The following COL6A5 variants were observed in gnomAD, a reference collection of about 807,000 sequenced individuals.
The protein encoded by COL6A5 is collagen alpha-5(VI) chain.
Under a neutral mutation model 65.6 loss-of-function variants are expected in COL6A5, and 48 were observed. The ratio of observed to expected loss-of-function variants is 0.73; its 90% CI spans 0.58 to 0.93. COL6A5 has a LOEUF of 0.93. Ranked by LOEUF, COL6A5 falls within the 40% of genes least tolerant of loss-of-function variation. The pLI is 0.00. For synonymous variants in COL6A5, 291 were observed against 322.8 expected, an observed-to-expected ratio of 0.90 and a Z score of 1.05; for missense variants, 914 against 928.3, an observed-to-expected ratio of 0.98 and a Z score of 0.20.
chr3:130,388,899 G>A (rs957492892), exon 6 of COL6A5: 20 of 1,547,034 alleles, frequency 1.3e-5, no homozygotes, highest in Non-Finnish European at 1.7e-5. Flanking sequence ...CCCGTTTGGG[G>A]GCCAAAAAAT....
At chr3:130,401,110 C>A in exon 11 of COL6A5, 1 of 1,550,760 alleles carries the variant, frequency 6.4e-7, no homozygotes, top group African/African-American at 1.4e-5. Context: ...GAAAAAGATT[C>A]GATTACAGGA....
exon 8 of COL6A5, chr3:130,395,411 G>GT (rs1277659590): frequency 6.5e-7 from 1 of 1,545,724 alleles, no homozygotes; most frequent in Non-Finnish European, 8.7e-7. Context: ...ATTAAAGAAT[G>GT]TGGATGTGAA....
chr3:130,418,951 C>T lies in COL6A5; in HGVS notation c.4950+20C>T. ...AGACAGGTATGAAGTTTTGAAGTCCCTACCCTCCCCAGATCTGGGTATTCA... is the reference window on the plus strand; with the variant it reads ...AGACAGGTATGAAGTTTTGAAGTCCTTACCCTCCCCAGATCTGGGTATTCA... On this transcript the variant is annotated intron_variant and NMD_transcript_variant, in intron 25 of 41. Transcript: ENST00000312481. 6.5e-7 allele frequency: 1 copy of T among 1,547,202 alleles called. No individual in the cohort carries two copies. The highest frequency in any genetic ancestry group is 8.7e-7 in the Non-Finnish European group (1 of 1,143,220).
At chr3:130,479,736 A>C in intron 7 of COL6A5, among the ~76,000 whole-genome samples, 1 of 152,282 alleles carries the variant, frequency 6.6e-6, no homozygotes, top group South Asian at 2.1e-4. Flanking sequence ...AAGATGATTA[A>C]AATATTTTAT....
At chr3:130,401,464 G>A (rs1303460866) in intron 11 of COL6A5, among the ~76,000 whole-genome samples, 2 of 152,184 alleles carry the variant, frequency 1.3e-5, no homozygotes, top group African/African-American at 4.8e-5. Flanking sequence ...GGAAACAGAA[G>A]ACTGTCAACT....
chr3:130,391,080 T>TG (rs202079849), intron 6 of COL6A5, 99 bp from the exon 7 acceptor site: 33,433 of 800,228 alleles, frequency 0.042, 866 homozygotes, highest in South Asian at 0.081. Context: ...GTCTGACACA[T>TG]AGTAGGCTCA....
intron 7 of COL6A5, among the ~76,000 whole-genome samples, chr3:130,482,221 T>C (rs1485846326): frequency 6.6e-6 from 1 of 152,198 alleles, no homozygotes; most frequent in Non-Finnish European, 1.5e-5. Flanking sequence ...TTAATTTTTG[T>C]ATAAAGTATA....
At chr3:130,384,470 G>A (rs1288397818) in intron 4 of COL6A5, among the ~76,000 whole-genome samples, 1 of 151,948 alleles carries the variant, frequency 6.6e-6, no homozygotes, top group East Asian at 1.9e-4. Flanking sequence ...AGAAATGATA[G>A]GACATAAACT....
At chr3:130,466,439 A>G (rs1709816260) in intron 5 of COL6A5, among the ~76,000 whole-genome samples, 1 of 152,126 alleles carries the variant, frequency 6.6e-6, no homozygotes, top group African/African-American at 2.4e-5. Flanking sequence ...AAATAAAATC[A>G]CTGTGCCAGA....
At chr3:130,455,613 T>C (rs1418627494) in exon 5 of COL6A5, 3 of 1,613,238 alleles carry the variant, frequency 1.9e-6, no homozygotes, top group Admixed American at 1.7e-5. Flanking sequence ...CAAAAATTAA[T>C]GATCAATTAT....
intron 1 of COL6A5, among the ~76,000 whole-genome samples, chr3:130,362,270 CTTTG>C (rs1559857842): frequency 3.7e-5 from 5 of 135,424 alleles, no homozygotes; most frequent in African/African-American, 1.1e-4. Context: ...CTCTCTCTCT[CTTTG>C]TCTCTGTCTT....
intron 6 of COL6A5, among the ~76,000 whole-genome samples, chr3:130,470,541 A>T (rs1326103396): frequency 1.3e-5 from 2 of 152,038 alleles, no homozygotes; most frequent in East Asian, 1.9e-4. Context: ...AAAAAAATAA[A>T]ATATAAACAT....
intron 2 of COL6A5, 52 bp from the exon 35 acceptor site, chr3:130,440,114 G>T: frequency 7.0e-7 from 1 of 1,426,184 alleles, no homozygotes; most frequent in Non-Finnish European, 9.5e-7. Context: ...TCAAACAAGT[G>T]TCTTGTTGGG....
At chr3:130,451,934 A>G (rs1245635266) in intron 4 of COL6A5, among the ~76,000 whole-genome samples, 1 of 152,132 alleles carries the variant, frequency 6.6e-6, no homozygotes, top group Non-Finnish European at 1.5e-5. Context: ...TGACGGGAAT[A>G]TAATTCCCTG....
intron 23 of COL6A5, 59 bp downstream of exon 23, chr3:130,415,766 C>A: frequency 7.4e-7 from 1 of 1,345,704 alleles, no homozygotes; most frequent in Non-Finnish European, 1.0e-6. Flanking sequence ...CCTCTTAGTG[C>A]AAAAAAATCT....
At chr3:130,405,646 C>A (rs891500201) in exon 14 of COL6A5, 11 of 1,550,026 alleles carry the variant, frequency 7.1e-6, no homozygotes, top group Non-Finnish European at 9.6e-6. Context: ...TGTCCAGGGG[C>A]GTGGGGTCAG....
intron 1 of COL6A5, among the ~76,000 whole-genome samples, chr3:130,434,143 T>C (rs1289556861): frequency 1.3e-5 from 2 of 152,188 alleles, no homozygotes; most frequent in African/African-American, 4.8e-5. Flanking sequence ...AGTGTCCATG[T>C]GATCTCAACA....
At chr3:130,469,849 G>A (rs1709907006) in intron 6 of COL6A5, among the ~76,000 whole-genome samples, 1 of 152,022 alleles carries the variant, frequency 6.6e-6, no homozygotes, top group Non-Finnish European at 1.5e-5. Context: ...ATTCAGAAAT[G>A]TTAAATAAAG....
At chr3:130,376,742 A>G in exon 3 of COL6A5, 1 of 1,613,720 alleles carries the variant, frequency 6.2e-7, no homozygotes, top group Non-Finnish European at 8.5e-7. Flanking sequence ...ACCTTCGGAC[A>G]ATCAGAGACC....
Sources: allele counts gnomAD v4.1 joint callset (sites outside exome capture counted in the v4.1 genomes callset), GRCh38; gene constraint gnomAD v4.1.1; transcripts MANE v1.5; gene names NCBI Gene and HGNC (gene_info 2026-07-23, HGNC 2026-07-21).